NSL1: variants seen among roughly 807,000 people sequenced by gnomAD.
NSL1 encodes the protein NSL1 component of MIS12 kinetochore complex, also known as kinetochore-associated protein NSL1 homolog.
Under a neutral mutation model 25.4 loss-of-function variants are expected in NSL1, and 11 were observed. The ratio of observed to expected loss-of-function variants is 0.43; its 90% confidence interval spans 0.27 to 0.72. NSL1 has a LOEUF of 0.72. Among genes scored for constraint, NSL1 ranks in the 30% least tolerant of loss-of-function variants. NSL1 has a pLI of 0.19. For synonymous variants in NSL1, 118 were observed against 120.6 expected, an observed-to-expected ratio of 0.98 and a Z score of 0.14; for missense variants, 330 against 342.7, an observed-to-expected ratio of 0.96 and a Z score of 0.29.
chr1:212,761,971 TAAAAAA>T (rs34216305), intron 4 of NSL1, among the ~76,000 whole-genome samples: 1 of 105,682 alleles, frequency 9.5e-6, no homozygotes, highest in Non-Finnish European at 1.9e-5. Flanking sequence ...GCTGATGAGC[TAAAAAA>T]AAAAAAAAAA....
chr1:212,727,467 C>G lies in NSL1; in HGVS notation c.*10941G>C. 1.0e-6 allele frequency: 1 copy of G among 985,404 alleles called. No homozygotes were observed. Among genetic ancestry groups the G allele is most frequent in the Non-Finnish European group, 1.2e-6 (1 of 829,924 alleles). 61.0% of individuals were successfully genotyped at this position (985,404 alleles called of 1,614,324 possible). A position where few individuals can be genotyped will look rare whatever the true frequency, so the allele number is the denominator to read the frequency against. On this transcript the variant is annotated 3_prime_UTR_variant, in exon 6 of 6. Coordinates refer to ENST00000366977, the MANE Select transcript of NSL1 (RefSeq NM_015471.4). ...TTTGGAAAAGTGACACAATTTCAAG[C>G]AGCAGTCAACTAAAACGATTCCTTT... is the stretch of plus-strand genomic sequence containing the variant.
At chr1:212,769,320 C>CA (rs1391188290) in intron 4 of NSL1, among the ~76,000 whole-genome samples, 3 of 152,208 alleles carry the variant, frequency 2.0e-5, no homozygotes, top group African/African-American at 7.2e-5. Context: ...ACATTATACT[C>CA]AAACTATCAA....
chr1:212,762,322 A>G (rs967728688), intron 4 of NSL1, among the ~76,000 whole-genome samples: 15 of 150,200 alleles, frequency 1.0e-4, no homozygotes, highest in East Asian at 6.0e-4. Flanking sequence ...AAAAAAAAAA[A>G]AAAAGAAAAG....
At position 212,735,584 on chromosome 1, in the gene NSL1, A is replaced by G; in HGVS notation, c.*2824T>C. On this transcript the variant is annotated 3_prime_UTR_variant, in exon 6 of 6. Transcript: ENST00000366977. ...GACTCAATGTTTGTGTCCCCCTAAA[A>G]TCTGTATGATGAAGCCTTAACTCCC... 1 of 965,522 alleles carries G rather than the reference A, an allele frequency of 1.0e-6. No individual in the cohort carries two copies. Among genetic ancestry groups the G allele is most frequent in the African/African-American group, 1.8e-5 (1 of 56,974 alleles). The allele number at this position is 965,522 out of a possible 1,614,324, so 59.8% of individuals were successfully genotyped here.
chr1:212,777,226 A>T (rs1214192163), intron 4 of NSL1, among the ~76,000 whole-genome samples: 2 of 152,108 alleles, frequency 1.3e-5, no homozygotes, highest in African/African-American at 4.8e-5. Context: ...AAAATTTTTT[A>T]ACTAGCCAGG....
chr1:212,749,329 G>A (rs1048785790), intron 4 of NSL1, among the ~76,000 whole-genome samples: 7 of 133,610 alleles, frequency 5.2e-5, no homozygotes, highest in African/African-American at 1.7e-4. Flanking sequence ...GGGATTTTGC[G>A]TTTTATTGTG....
Position 212,754,659 on chromosome 1 carries a change from C to T in NSL1, c.500-15058G>A, listed in dbSNP as rs535576205. 6.0e-5 allele frequency among the ~76,000 whole-genome samples: 9 copies of T among 150,580 alleles called. No homozygotes were observed. The South Asian group carries it at 1.9e-3, about 32-fold the overall frequency. On this transcript the variant is annotated intron_variant, in intron 4 of 5. Transcript: ENST00000366977. ...GGGCGTGGTGGTGGGCACCTGTAAT[C>T]CCAGCTACTCAGGAGGATGAGGCAG...
rs1031974513 is a variant in NSL1, at chr1:212,726,751, G to A, written c.*11657C>T. On this transcript the variant is annotated 3_prime_UTR_variant, in exon 6 of 6. Coordinates refer to ENST00000366977, the MANE Select transcript of NSL1 (RefSeq NM_015471.4). ...GCAGTCCTCAAATGCAGAGTGATTGGGTCACTCTCCATGGTGTCCATGAGA... is the reference window on the plus strand; with the variant it reads ...GCAGTCCTCAAATGCAGAGTGATTGAGTCACTCTCCATGGTGTCCATGAGA... The A allele has an allele frequency of 3.3e-5, 6 of 180,160 alleles. No homozygotes were observed. Among genetic ancestry groups the A allele is most frequent in the African/African-American group, 1.4e-4 (6 of 42,524 alleles). The allele number at this position is 180,160 out of a possible 1,614,324, so 11.2% of individuals were successfully genotyped here.
At position 212,734,732 on chromosome 1, in the gene NSL1, T is replaced by G. The variant is rs76355222; in HGVS notation, c.*3676A>C. Among the ~76,000 whole-genome samples, 2,302 of 152,292 alleles carry G rather than the reference T, an allele frequency of 0.015. 63 individuals carry two copies. Among genetic ancestry groups the G allele is most frequent in the African/African-American group, 0.053 (2,210 of 41,540 alleles). ...ATTCCTGTATTCCTTCCCTGATTAT[T>G]TGCCTAAAACATTCAAGACTGCTCA... On this transcript the variant is annotated 3_prime_UTR_variant, in exon 6 of 6. Coordinates refer to ENST00000366977, the MANE Select transcript of NSL1 (RefSeq NM_015471.4).
Position 212,734,036 on chromosome 1 carries a change from G to C in NSL1, c.*4372C>G, listed in dbSNP as rs1183501557. Among the ~76,000 whole-genome samples, 1 of 152,004 alleles carries C rather than the reference G, an allele frequency of 6.6e-6. No individual in the cohort carries two copies. Among genetic ancestry groups the C allele is most frequent in the African/African-American group, 2.4e-5 (1 of 41,378 alleles). On this transcript the variant is annotated 3_prime_UTR_variant, in exon 6 of 6. Coordinates refer to ENST00000366977, the MANE Select transcript of NSL1 (RefSeq NM_015471.4). ...CATTTTATCTCCCAGCCCTCCCACT[G>C]AATTTTTATTTCAACTTTCATATTT...
intron 4 of NSL1, among the ~76,000 whole-genome samples, chr1:212,763,752 A>C (rs1198262452): frequency 6.6e-6 from 1 of 152,224 alleles, no homozygotes; most frequent in African/African-American, 2.4e-5. Flanking sequence ...ATTTATATGC[A>C]ACTAACACTG....
intron 4 of NSL1, among the ~76,000 whole-genome samples, chr1:212,768,874 A>G (rs994567827): frequency 1.3e-5 from 2 of 152,148 alleles, no homozygotes; most frequent in Non-Finnish European, 2.9e-5. Context: ...TATTGAAATA[A>G]AATTTAAAAA....
chr1:212,737,995 A>C lies in NSL1; in HGVS notation c.*413T>G. On this transcript the variant is annotated 3_prime_UTR_variant, in exon 6 of 6. Coordinates refer to ENST00000366977, the MANE Select transcript of NSL1 (RefSeq NM_015471.4). ...AACTGATAATTACTTTTCAGCATGT[A>C]AACGAAAAATCATTATACAGCTCTC... 1 of 987,734 alleles carries C rather than the reference A, an allele frequency of 1.0e-6. No homozygotes were observed. Among genetic ancestry groups the C allele is most frequent in the Non-Finnish European group, 1.2e-6 (1 of 831,908 alleles). 61.2% of individuals were successfully genotyped at this position (987,734 alleles called of 1,614,324 possible). A position where few individuals can be genotyped will look rare whatever the true frequency, so the allele number is the denominator to read the frequency against.
intron 4 of NSL1, among the ~76,000 whole-genome samples, chr1:212,754,375 A>C (rs909053878): frequency 1.3e-5 from 2 of 152,188 alleles, no homozygotes; most frequent in African/African-American, 4.8e-5. Context: ...GCAAGATAAA[A>C]GGTGTTCGAA....
rs1256155644 is a variant in NSL1 at position 212,732,863 on chromosome 1, A to C, written c.*5545T>G. Among the ~76,000 whole-genome samples, 1 of 152,188 alleles carries C rather than the reference A, an allele frequency of 6.6e-6. No individual in the cohort carries two copies. The highest frequency in any genetic ancestry group is 1.9e-4 in the East Asian group (1 of 5,200). On this transcript the variant is annotated 3_prime_UTR_variant, in exon 6 of 6. Coordinates refer to ENST00000366977, the MANE Select transcript of NSL1 (RefSeq NM_015471.4). ...GATTATTAGTTTGACTGTGTATAAAAGCCTAGGTTGTATATCATTTATGCT... is the reference window on the plus strand; with the variant it reads ...GATTATTAGTTTGACTGTGTATAAACGCCTAGGTTGTATATCATTTATGCT...
rs548726848 is a variant in NSL1, at chr1:212,773,028, A to G, written c.499+9344T>C. On this transcript the variant is annotated intron_variant, in intron 4 of 5. Transcript: ENST00000366977. ...TAAAACTAGACTCCTATCTTTCATC[A>G]TAGAAAAATCAGCTCAAGACGGATT... is the stretch of plus-strand genomic sequence containing the variant. Among the ~76,000 whole-genome samples the G allele has an allele frequency of 1.4e-4, 22 of 152,358 alleles. No homozygotes were observed. In the East Asian group the frequency reaches 4.2e-3, roughly 29 times the overall value.
At position 212,791,553 on chromosome 1, in the gene NSL1, G is replaced by T. The variant is rs753410119; in HGVS notation, c.211C>A (p.Pro71Thr). Reference protein sequence around the residue: ...GDALPEEIREPALRDAQWTFE... With the variant: ...GDALPEEIRETALRDAQWTFE... ...ACCCACTGCGCATCTCGCAGAGCGG[G>T]CTCCCGAATCTCCTCCGGCAGAGCG... The change falls in exon 1 of 6, where the codon CCC (proline) becomes ACC (threonine). Residue 71 changes from proline (P) to threonine (T), a missense_variant. Physicochemically the swap from Pro to Thr is conservative, Grantham distance 38. Transcript: ENST00000366977. The T allele has an allele frequency of 6.2e-7, 1 of 1,613,636 alleles. No homozygotes were observed. The highest frequency in any genetic ancestry group is 2.2e-5 in the East Asian group (1 of 44,882).
intron 4 of NSL1, among the ~76,000 whole-genome samples, chr1:212,771,847 A>G (rs560726875): frequency 5.9e-5 from 9 of 152,262 alleles, no homozygotes; most frequent in African/African-American, 2.2e-4. Context: ...ACACTATTAA[A>G]AGCAATTGAA....
chr1:212,782,079 CAGAGATAGG>C, intron 4 of NSL1: 1 of 628,900 alleles, frequency 1.6e-6, no homozygotes, highest in Admixed American at 1.8e-5. Flanking sequence ...AGTACAATGA[CAGAGATAGG>C]AGGGTATTAG....
Sources: gnomAD v4.1 joint callset for allele counts (sites outside exome capture counted in the v4.1 genomes callset) on GRCh38, gnomAD v4.1.1 for gene constraint, MANE v1.5 for transcripts, NCBI Gene and HGNC (gene_info 2026-07-23, HGNC 2026-07-21) for gene names.